TMEM18: variants seen among roughly 807,000 people sequenced by gnomAD.
The protein encoded by TMEM18 is transmembrane protein 18.
TMEM18 carries 14 observed loss-of-function variants against 17.4 expected under a neutral mutation model. That is an observed-to-expected ratio of 0.80 (90% CI 0.53 to 1.25). The LOEUF (loss-of-function observed/expected upper bound fraction) is 1.25. Ranked by LOEUF, TMEM18 falls within the 50% of genes most tolerant of loss-of-function variation. The pLI is 0.00. For synonymous variants in TMEM18, 86 were observed against 66.1 expected (o/e 1.30, Z -1.46); for missense variants, 187 against 172.1 (o/e 1.09, Z -0.48).
chr2:674,926 C>A (rs1572413352), intron 2 of TMEM18, among the ~76,000 whole-genome samples: 1 of 152,216 alleles, frequency 6.6e-6, no homozygotes, highest in East Asian at 1.9e-4. Flanking sequence ...CCATCTATCT[C>A]AGTCTCTGCA....
chr2:676,753 G>A, intron 1 of TMEM18: 2 of 1,041,712 alleles, frequency 1.9e-6, no homozygotes, highest in Non-Finnish European at 2.8e-6. Context: ...CACCCCACAC[G>A]ATCAGGCTCC....
intron 1 of TMEM18, chr2:676,623 C>A (rs1027389884): frequency 1.5e-5 from 24 of 1,550,314 alleles, no homozygotes; most frequent in Admixed American, 9.8e-5. Context: ...TCTGCCCAGA[C>A]CCCATCGAGT....
chr2:674,086 T>C (rs796070334), intron 2 of TMEM18, among the ~76,000 whole-genome samples: 8 of 152,274 alleles, frequency 5.3e-5, no homozygotes, highest in African/African-American at 1.9e-4. Context: ...TTTATAAAAA[T>C]GGGCAAATAA....
chr2:676,397 G>A (rs1484166429), intron 1 of TMEM18: 2 of 1,350,328 alleles, frequency 1.5e-6, no homozygotes, highest in African/African-American at 2.9e-5. Context: ...TGCCCTCCAA[G>A]CTGCAGCCCC....
Position 664,545 on chromosome 2 carries a change from T to G in TMEM18, c.*5035A>C, listed in dbSNP as rs2103086302. Among the ~76,000 whole-genome samples, 1 of 152,348 alleles carries G rather than the reference T, an allele frequency of 6.6e-6. No individual in the cohort carries two copies. Among genetic ancestry groups the G allele is most frequent in the South Asian group, 2.1e-4 (1 of 4,826 alleles). ...TTTGAAAAGCGTTAAACCTCACAGG[T>G]AACCACAGAAGTACAAGTTAAAACA... On this transcript the variant is annotated 3_prime_UTR_variant, in exon 5 of 5. Coordinates refer to ENST00000281017, the MANE Select transcript of TMEM18 (RefSeq NM_152834.4).
rs200575447 is a variant in TMEM18 at position 672,221 on chromosome 2, C to CA, written c.233+586dup. On this transcript the variant is annotated intron_variant, in intron 3 of 4. Coordinates refer to ENST00000281017, the MANE Select transcript of TMEM18 (RefSeq NM_152834.4). ...AGCCATTTTTAGCTCACAGGCCACTCAAAAACAGTCCGTGGGTCTCACTTG... is the reference window on the plus strand; with the variant it reads ...AGCCATTTTTAGCTCACAGGCCACTCAAAAAACAGTCCGTGGGTCTCACTTG... Among the ~76,000 whole-genome samples, 883 of 152,300 alleles carry CA rather than the reference C, an allele frequency of 5.8e-3. 11 individuals carry two copies. The highest frequency in any genetic ancestry group is 0.02 in the African/African-American group (848 of 41,578).
Position 669,763 on chromosome 2 carries a change from G to C in TMEM18, c.321C>G (p.Ile107Met). 6.2e-7 allele frequency: 1 copy of C among 1,614,052 alleles called. No individual in the cohort carries two copies. The highest frequency in any genetic ancestry group is 8.5e-7 in the Non-Finnish European group (1 of 1,179,974). ...GAAAGTGTCATCTACGTACCACAAT[G>C]ATCATGGCATTCACCAGCAGTGGGG... ...FSAPLLVNAM[I>M]IVVMWVWKTL... The change falls in exon 4 of 5, where the codon ATC becomes ATG. Residue 107 changes from isoleucine to methionine, a missense_variant. Coordinates refer to ENST00000281017, the MANE Select transcript of TMEM18 (RefSeq NM_152834.4).
chr2:672,850 T>C lies in TMEM18; in HGVS notation c.191A>G (p.Tyr64Cys), dbSNP rs780378138. 3 of 1,507,018 alleles carry C rather than the reference T, an allele frequency of 2.0e-6. No homozygotes were observed. Among genetic ancestry groups the C allele is most frequent in the African/African-American group, 1.5e-5 (1 of 67,948 alleles). 93.4% of individuals were successfully genotyped at this position (1,507,018 alleles called of 1,614,324 possible). The change falls in exon 3 of 5, where the codon TAC (tyrosine) becomes TGC (cysteine). Residue 64 changes from tyrosine (Y) to cysteine (C), a missense_variant. Physicochemically the swap from Tyr to Cys is radical, Grantham distance 194 (BLOSUM62 -2). Transcript: ENST00000281017. ...GHFLCLVILV[Y>C]CAEYINEAAA... The stretch of plus-strand genomic sequence containing the variant: ...CGCCTCATTGATGTATTCAGCACAG[T>C]AGACTAAGATGACTGAAAAAAGGTA...
At position 677,295 on chromosome 2, in the gene TMEM18, C is replaced by T. The variant is rs3210390; in HGVS notation, c.51G>A (p.Val17=). ...VSSFPVSIPA[V]LTQTDWTEPW... ...TACGCGGGCCGCGAGTTACCGTGAG[C>T]ACGGCTGGGATGCTGACGGGGAAAG... is the stretch of plus-strand genomic sequence containing the variant. The change falls in exon 1 of 5, where the codon GTG becomes GTA. Residue 17 remains valine, a synonymous_variant. Coordinates refer to ENST00000281017, the MANE Select transcript of TMEM18 (RefSeq NM_152834.4). 0.11 allele frequency: 176,856 copies of T among 1,611,180 alleles called. 10,728 individuals carry two copies. Among genetic ancestry groups the T allele is most frequent in the African/African-American group, 0.23 (16,943 of 75,024 alleles).
intron 1 of TMEM18, 160 bp downstream of exon 1, chr2:677,129 T>A: frequency 1.1e-6 from 1 of 870,856 alleles, no homozygotes; most frequent in Non-Finnish European, 1.7e-6. Context: ...CCCGAGCCAC[T>A]CCCACAGGTC....
At position 669,537 on chromosome 2, in the gene TMEM18, T is replaced by A. The variant is rs375182074; in HGVS notation, c.*43A>T. Reference sequence around the variant, plus strand: ...CACACTGCAGCACTGGGAGCTGCACTGGGTGGACGGGAAGGACGCAAACTC... The same window carrying A: ...CACACTGCAGCACTGGGAGCTGCACAGGGTGGACGGGAAGGACGCAAACTC... On this transcript the variant is annotated 3_prime_UTR_variant, in exon 5 of 5. Coordinates refer to ENST00000281017, the MANE Select transcript of TMEM18 (RefSeq NM_152834.4). 3.0e-4 allele frequency: 486 copies of A among 1,600,652 alleles called. 2 individuals carry two copies. Among genetic ancestry groups the A allele is most frequent in the Admixed American group, 1.2e-3 (71 of 59,930 alleles).
chr2:673,759 G>C (rs1678920550), intron 2 of TMEM18, among the ~76,000 whole-genome samples: 1 of 133,026 alleles, frequency 7.5e-6, no homozygotes, highest in African/African-American at 2.7e-5. Flanking sequence ...GGAGGGGGAG[G>C]ATGGGGGGGA....
chr2:673,057 T>C (rs955453288), intron 2 of TMEM18, among the ~76,000 whole-genome samples, 195 bp from the exon 3 acceptor site: 1 of 152,224 alleles, frequency 6.6e-6, no homozygotes, highest in Non-Finnish European at 1.5e-5. Context: ...CCAACAGTGC[T>C]TCAGTTCTCC....
chr2:677,069 C>G (rs935547477), intron 1 of TMEM18: 4 of 467,854 alleles, frequency 8.5e-6, no homozygotes, highest in African/African-American at 8.4e-5. Context: ...CCCCGGCCCC[C>G]TCCCACAGGG....
Position 669,354 on chromosome 2 carries a change from TGACTACA to T in TMEM18, c.*219_*225del. Reference sequence around the variant, plus strand: ...CTCTGCAGAGACCGTTCCCACAGCCTGACTACAAAGATCAGGCACCTGAAGACGCATG... The same window carrying T: ...CTCTGCAGAGACCGTTCCCACAGCCTAAGATCAGGCACCTGAAGACGCATG... On this transcript the variant is annotated 3_prime_UTR_variant, in exon 5 of 5. Transcript: ENST00000281017. 1 of 569,342 alleles carries T rather than the reference TGACTACA, an allele frequency of 1.8e-6. No individual in the cohort carries two copies. Among genetic ancestry groups the T allele is most frequent in the Non-Finnish European group, 3.1e-6 (1 of 320,828 alleles). The allele number at this position is 569,342 out of a possible 1,614,324, so 35.3% of individuals were successfully genotyped here. A position where few individuals can be genotyped will look rare whatever the true frequency, so the allele number is the denominator to read the frequency against.
chr2:673,850 G>A (rs764156483), intron 2 of TMEM18, among the ~76,000 whole-genome samples: 13 of 151,784 alleles, frequency 8.6e-5, no homozygotes, highest in Non-Finnish European at 1.8e-4. Flanking sequence ...AACACAGGAG[G>A]TGGTGGGCAT....
chr2:676,109 A>C, intron 1 of TMEM18: 1 of 1,322,910 alleles, frequency 7.6e-7, no homozygotes. Context: ...TCAGCACTGA[A>C]GACCTCAGGG....
rs1035770773 is a variant in TMEM18 at position 666,558 on chromosome 2, G to A, written c.*3022C>T. On this transcript the variant is annotated 3_prime_UTR_variant, in exon 5 of 5. Coordinates refer to ENST00000281017, the MANE Select transcript of TMEM18 (RefSeq NM_152834.4). ...CCACTCGGAACAAGCTGCCACCAACGCATGGCACCCACAGCCTGCGTGGGC... is the reference window on the plus strand; with the variant it reads ...CCACTCGGAACAAGCTGCCACCAACACATGGCACCCACAGCCTGCGTGGGC... Among the ~76,000 whole-genome samples the A allele has an allele frequency of 1.3e-5, 2 of 152,262 alleles. No homozygotes were observed. Among genetic ancestry groups the A allele is most frequent in the East Asian group, 1.9e-4 (1 of 5,164 alleles).
chr2:672,244 T>C (rs1678868003), intron 3 of TMEM18, among the ~76,000 whole-genome samples: 1 of 152,208 alleles, frequency 6.6e-6, no homozygotes, highest in Non-Finnish European at 1.5e-5. Flanking sequence ...TGGGTCTCAC[T>C]TGACAGAGGC....
Sources: gnomAD v4.1 joint callset for allele counts (sites outside exome capture counted in the v4.1 genomes callset) on GRCh38, gnomAD v4.1.1 for gene constraint, MANE v1.5 for transcripts, NCBI Gene and HGNC (gene_info 2026-07-23, HGNC 2026-07-21) for gene names.